Variants in MAP2K4 observed in about 807,000 individuals in gnomAD.
MAP2K4 encodes mitogen-activated protein kinase kinase 4, also known as dual specificity mitogen-activated protein kinase kinase 4.
MAP2K4 carries 4 observed loss-of-function variants against 48.5 expected under a neutral mutation model. The ratio of observed to expected loss-of-function variants is 0.08; its 90% CI spans 0.04 to 0.19. The LOEUF (loss-of-function observed/expected upper bound fraction) is 0.19. MAP2K4 is among the 10% of genes least tolerant of loss of function. MAP2K4 has a pLI of 1.00. For synonymous variants in MAP2K4, 166 were observed against 173.1 expected, an observed-to-expected ratio of 0.96 and a Z score of 0.32; for missense variants, 258 against 493.3, an observed-to-expected ratio of 0.52 and a Z score of 4.52.
intron 1 of MAP2K4, among the ~76,000 whole-genome samples, chr17:12,041,533 G>A (rs956637784): frequency 6.6e-6 from 1 of 152,186 alleles, no homozygotes; most frequent in Non-Finnish European, 1.5e-5. Context: ...TTCAAAGCCA[G>A]AAGATGTCTG....
At chr17:12,076,307 G>C (rs1001459243) in intron 2 of MAP2K4, among the ~76,000 whole-genome samples, 29 of 151,228 alleles carry the variant, frequency 1.9e-4, no homozygotes, top group African/African-American at 6.8e-4. Flanking sequence ...GTGTGTGTGT[G>C]TGTGTGTGTG....
At chr17:12,136,409 G>T (rs1050463278) in intron 9 of MAP2K4, among the ~76,000 whole-genome samples, 3 of 152,194 alleles carry the variant, frequency 2.0e-5, no homozygotes, top group Non-Finnish European at 4.4e-5. Flanking sequence ...GCATTCAACA[G>T]ATTAGATATC....
At chr17:12,104,479 C>A (rs1972041530) in intron 4 of MAP2K4, among the ~76,000 whole-genome samples, 1 of 151,878 alleles carries the variant, frequency 6.6e-6, no homozygotes, top group South Asian at 2.1e-4. Context: ...TAATTTTTGG[C>A]AGTTTGAAAT....
intron 1 of MAP2K4, chr17:12,026,854 A>G (rs1969268553): frequency 6.6e-6 from 1 of 152,202 alleles, no homozygotes; most frequent in African/African-American, 2.4e-5. Flanking sequence ...TCATGTTACA[A>G]TGTTCTAAAC....
At chr17:12,037,443 T>G (rs1029128397) in intron 1 of MAP2K4, among the ~76,000 whole-genome samples, 2 of 152,178 alleles carry the variant, frequency 1.3e-5, no homozygotes, top group African/African-American at 4.8e-5. Context: ...GTTCTGCATT[T>G]AAAACTAAGA....
intron 7 of MAP2K4, chr17:12,124,465 A>G (rs952190961): frequency 1.3e-5 from 2 of 152,290 alleles, no homozygotes; most frequent in South Asian, 4.1e-4. Flanking sequence ...ATCTTTACAC[A>G]TATGTGTAGT....
chr17:12,041,950 G>T (rs1170520750), intron 1 of MAP2K4, among the ~76,000 whole-genome samples: 1 of 152,108 alleles, frequency 6.6e-6, no homozygotes, highest in Non-Finnish European at 1.5e-5. Context: ...GGAGGCTGAG[G>T]CAGATGGCTC....
chr17:12,053,749 G>A (rs959510080), intron 1 of MAP2K4, among the ~76,000 whole-genome samples: 4 of 151,956 alleles, frequency 2.6e-5, no homozygotes, highest in South Asian at 2.1e-4. Flanking sequence ...TCTAGGGGCC[G>A]TGGCAAGGAG....
chr17:12,078,946 A>T (rs561690526), intron 2 of MAP2K4, among the ~76,000 whole-genome samples: 1 of 152,170 alleles, frequency 6.6e-6, no homozygotes, highest in Non-Finnish European at 1.5e-5. Flanking sequence ...ATAAAGACGA[A>T]TGTATGAACA....
intron 4 of MAP2K4, among the ~76,000 whole-genome samples, chr17:12,100,805 A>AG (rs556120134): frequency 4.5e-4 from 68 of 152,232 alleles, no homozygotes; most frequent in Admixed American, 1.6e-3. Context: ...CATGTTTCTA[A>AG]TGACTAACAG....
At chr17:12,069,225 G>T (rs1970710716) in intron 2 of MAP2K4, among the ~76,000 whole-genome samples, 1 of 152,146 alleles carries the variant, frequency 6.6e-6, no homozygotes. Flanking sequence ...TTACTTACTT[G>T]GGAAGAGGTT....
intron 9 of MAP2K4, among the ~76,000 whole-genome samples, chr17:12,134,170 T>TGGA (rs1395997470): frequency 6.6e-6 from 1 of 152,224 alleles, no homozygotes; most frequent in African/African-American, 2.4e-5. Context: ...TCCACCTAGG[T>TGGA]GATGATACTG....
intron 8 of MAP2K4, among the ~76,000 whole-genome samples, chr17:12,127,675 T>C (rs1465721511): frequency 6.6e-6 from 1 of 152,220 alleles, no homozygotes; most frequent in Non-Finnish European, 1.5e-5. Flanking sequence ...AACTTTTCCT[T>C]CTATTATTAA....
At chr17:12,133,780 T>C (rs572487881) in intron 9 of MAP2K4, among the ~76,000 whole-genome samples, 3 of 152,212 alleles carry the variant, frequency 2.0e-5, no homozygotes, top group Non-Finnish European at 2.9e-5. Context: ...ACTAGGACGA[T>C]ATAAGACCCA....
chr17:12,116,846 A>G (rs1299152247), intron 7 of MAP2K4, among the ~76,000 whole-genome samples: 1 of 152,192 alleles, frequency 6.6e-6, no homozygotes, highest in Non-Finnish European at 1.5e-5. Context: ...GTAGAAGGAC[A>G]TCAAGTATAG....
intron 2 of MAP2K4, among the ~76,000 whole-genome samples, chr17:12,079,595 A>G (rs1015056729): frequency 2.0e-5 from 3 of 152,140 alleles, no homozygotes; most frequent in African/African-American, 7.2e-5. Flanking sequence ...ATTAGCGAAC[A>G]CTGTAAAAAA....
At chr17:12,060,427 A>T (rs940387748) in intron 2 of MAP2K4, among the ~76,000 whole-genome samples, 1 of 152,220 alleles carries the variant, frequency 6.6e-6, no homozygotes, top group African/African-American at 2.4e-5. Flanking sequence ...AAAAAGATAA[A>T]GGAGGAACTG....
At chr17:12,141,014 C>G in intron 10 of MAP2K4, 133 bp from the exon 11 acceptor site, 1 of 644,884 alleles carries the variant, frequency 1.6e-6, no homozygotes, top group South Asian at 1.8e-5. Flanking sequence ...CCTCTCTGAA[C>G]TTGTAGTGTT....
At chr17:12,024,764 C>G (rs1465543528) in intron 1 of MAP2K4, among the ~76,000 whole-genome samples, 3 of 152,074 alleles carry the variant, frequency 2.0e-5, no homozygotes, top group Non-Finnish European at 4.4e-5. Flanking sequence ...AAGTATTATT[C>G]TTTAGTCCAA....
Sources: allele counts gnomAD v4.1 joint callset (sites outside exome capture counted in the v4.1 genomes callset), GRCh38; gene constraint gnomAD v4.1.1; transcripts MANE v1.5; gene names NCBI Gene and HGNC (gene_info 2026-07-23, HGNC 2026-07-21).